Variants in TAF2 observed in about 807,000 individuals in gnomAD.
TAF2 encodes transcription initiation factor TFIID subunit 2.
Under a neutral mutation model 138.5 loss-of-function variants are expected in TAF2, and 61 were observed. That is an observed-to-expected ratio of 0.44 (90% CI 0.36 to 0.54). TAF2 has a LOEUF of 0.54. Among genes scored for constraint, TAF2 ranks in the 20% least tolerant of loss-of-function variants. TAF2 has a pLI of 0.00. For missense variants in TAF2, 1,090 were observed against 1,427.9 expected, an observed-to-expected ratio of 0.76 and a Z score of 3.81; for synonymous variants, 475 against 469.9, an observed-to-expected ratio of 1.01 and a Z score of -0.14.
intron 15 of TAF2, 79 bp from the exon 16 acceptor site, chr8:119,783,712 T>C (rs1822831334): frequency 6.7e-7 from 1 of 1,486,496 alleles, no homozygotes; most frequent in African/African-American, 1.4e-5. Flanking sequence ...ATACAAAGCA[T>C]TTATTTACCA....
At chr8:119,813,884 G>A (rs1825265866) in intron 3 of TAF2, among the ~76,000 whole-genome samples, 1 of 152,136 alleles carries the variant, frequency 6.6e-6, no homozygotes, top group Non-Finnish European at 1.5e-5. Context: ...GGGAGACCAA[G>A]GCAGAAGGAC....
intron 5 of TAF2, among the ~76,000 whole-genome samples, chr8:119,802,888 T>G (rs142199489): frequency 2.6e-5 from 4 of 152,252 alleles, no homozygotes; most frequent in Non-Finnish European, 5.9e-5. Context: ...ATTGCGCCAC[T>G]GCACTCCAGC....
At chr8:119,737,746 T>C (rs1157560972) in intron 25 of TAF2, among the ~76,000 whole-genome samples, 5 of 152,034 alleles carry the variant, frequency 3.3e-5, no homozygotes, top group Admixed American at 2.0e-4. Flanking sequence ...TGACCTCAAA[T>C]GATCCCCCAC....
rs769226911 is a variant in TAF2 at position 119,806,344 on chromosome 8, A to C, written c.357T>G (p.Pro119=). Residue 119 remains proline, a synonymous_variant, in exon 4 of 26, where the codon CCT becomes CCG. Coordinates refer to ENST00000378164, the MANE Select transcript of TAF2 (RefSeq NM_003184.4). ...AYAAAVSAVD[P]DAGNGELCIK... ...TGCAAAGTTCTCCATTTCCTGCATC[A>C]GGGTCCACAGCACTAACTGCAGCTG... is the stretch of plus-strand genomic sequence containing the variant. 6.2e-7 allele frequency: 1 copy of C among 1,614,150 alleles called. No individual in the cohort carries two copies. Among genetic ancestry groups the C allele is most frequent in the Admixed American group, 1.7e-5 (1 of 60,022 alleles).
chr8:119,783,499 G>T lies in TAF2; in HGVS notation c.1994C>A (p.Ser665Tyr), dbSNP rs1179409094. The T allele has an allele frequency of 1.2e-6, 2 of 1,614,124 alleles. No individual in the cohort carries two copies. The highest frequency in any genetic ancestry group is 1.7e-6 in the Non-Finnish European group (2 of 1,180,030). ...AGGGAATTTTTCCAAAGCCAAAATG[G>T]ATTCCTGCTGTGCAACAACATCTCT... is the stretch of plus-strand genomic sequence containing the variant. ...YERDVVAQQE[S>Y]ILALEKFPTP... Residue 665 changes from serine (S) to tyrosine (Y), a missense_variant, in exon 16 of 26, where the codon TCC (serine) becomes TAC (tyrosine). By Grantham distance (144) the Ser-to-Tyr change is moderately radical. Coordinates refer to ENST00000378164, the MANE Select transcript of TAF2 (RefSeq NM_003184.4).
chr8:119,791,470 T>C lies in TAF2; in HGVS notation c.1278-11A>G. The C allele has an allele frequency of 1.2e-6, 2 of 1,610,904 alleles. No homozygotes were observed. Among genetic ancestry groups the C allele is most frequent in the East Asian group, 2.2e-5 (1 of 44,684 alleles). The stretch of plus-strand genomic sequence containing the variant: ...AGATGGGAAGCCGGACTAAAAAAAA[T>C]AAACACATTTACCTAATACAGCAAA... On this transcript the variant is annotated splice_polypyrimidine_tract_variant and intron_variant, in intron 10 of 25. Coordinates refer to ENST00000378164, the MANE Select transcript of TAF2 (RefSeq NM_003184.4).
rs141192962 is a variant in TAF2, at chr8:119,765,992, T to C, written c.2365-3384A>G. Reference sequence around the variant, plus strand: ...TCCAGGGAAGAATAAAGGCCTGAACTAGGATGCTGAAATAGAAAAGACGAT... The same window carrying C: ...TCCAGGGAAGAATAAAGGCCTGAACCAGGATGCTGAAATAGAAAAGACGAT... On this transcript the variant is annotated intron_variant, in intron 18 of 25. Coordinates refer to ENST00000378164, the MANE Select transcript of TAF2 (RefSeq NM_003184.4). 7.2e-5 allele frequency among the ~76,000 whole-genome samples: 11 copies of C among 152,250 alleles called. No homozygotes were observed. The East Asian group carries it at 2.1e-3, about 29-fold the overall frequency.
intron 3 of TAF2, among the ~76,000 whole-genome samples, chr8:119,814,215 A>G (rs535745225): frequency 6.6e-6 from 1 of 152,258 alleles, no homozygotes; most frequent in South Asian, 2.1e-4. Flanking sequence ...GTAAGGCTTC[A>G]TGTTGAAGTT....
Position 119,791,262 on chromosome 8 carries a change from C to A in TAF2, c.1413+62G>T, listed in dbSNP as rs1168318116. 3.8e-6 allele frequency: 6 copies of A among 1,583,442 alleles called. No individual in the cohort carries two copies. In the Admixed American group the frequency reaches 8.4e-5, roughly 22 times the overall value. On this transcript the variant is annotated intron_variant, in intron 11 of 25. Coordinates refer to ENST00000378164, the MANE Select transcript of TAF2 (RefSeq NM_003184.4). Reference sequence around the variant, plus strand: ...CTGACTCCTATTCTACAGAAACATACTCAGATTATACACATACAGATCTTT... The same window carrying A: ...CTGACTCCTATTCTACAGAAACATAATCAGATTATACACATACAGATCTTT...
At chr8:119,762,847 A>C (rs1261018199) in intron 18 of TAF2, 1 of 360,006 alleles carries the variant, frequency 2.8e-6, no homozygotes, top group Non-Finnish European at 5.0e-6. Flanking sequence ...AAATAGGAGG[A>C]AAGCATAAAG....
At chr8:119,759,637 A>T (rs1488693189) in intron 20 of TAF2, among the ~76,000 whole-genome samples, 2 of 152,128 alleles carry the variant, frequency 1.3e-5, no homozygotes, top group Admixed American at 1.3e-4. Context: ...TAAGTATTTG[A>T]CAGGCATAAT....
At chr8:119,770,240 C>A (rs750829556) in intron 18 of TAF2, among the ~76,000 whole-genome samples, 56 of 151,764 alleles carry the variant, frequency 3.7e-4, no homozygotes, top group Admixed American at 7.2e-4. Context: ...GATATCCAGA[C>A]AAGAAATCCA....
intron 18 of TAF2, among the ~76,000 whole-genome samples, chr8:119,774,534 G>A (rs1221162179): frequency 2.7e-5 from 4 of 149,380 alleles, no homozygotes; most frequent in Non-Finnish European, 3.0e-5. Flanking sequence ...TAGTGTTAGC[G>A]TATTTTACGT....
rs1209847648 is a variant in TAF2, at chr8:119,731,608, C to T, written c.*316G>A. On this transcript the variant is annotated 3_prime_UTR_variant, in exon 26 of 26. Transcript: ENST00000378164. ...AAACATAATTGACTTTGGCGGTACA[C>T]ATGGAGACCATGATGCGAACGGGGA... The T allele has an allele frequency of 1.4e-5, 5 of 369,618 alleles. No homozygotes were observed. Among genetic ancestry groups the T allele is most frequent in the Non-Finnish European group, 2.6e-5 (5 of 195,764 alleles). The allele number at this position is 369,618 out of a possible 1,614,324, so 22.9% of individuals were successfully genotyped here. A position where few individuals can be genotyped will look rare whatever the true frequency, so the allele number is the denominator to read the frequency against.
At chr8:119,737,590 C>T (rs1224290904) in intron 25 of TAF2, among the ~76,000 whole-genome samples, 1 of 150,062 alleles carries the variant, frequency 6.7e-6, no homozygotes, top group Non-Finnish European at 1.5e-5. Flanking sequence ...CTTACTACAA[C>T]CTCTGCTTCC....
chr8:119,804,914 T>TAAGATTTTAATTTCC (rs1824516533), intron 4 of TAF2, among the ~76,000 whole-genome samples: 1 of 152,138 alleles, frequency 6.6e-6, no homozygotes, highest in Non-Finnish European at 1.5e-5. Context: ...GTTGCTTTCA[T>TAAGATTTTAATTTCC]AAGATTTTAA....
intron 3 of TAF2, among the ~76,000 whole-genome samples, chr8:119,817,706 C>A (rs148602422): frequency 6.6e-6 from 1 of 152,202 alleles, no homozygotes; most frequent in Non-Finnish European, 1.5e-5. Context: ...CAGACACTGT[C>A]TTTTGTGACT....
intron 19 of TAF2, chr8:119,761,569 G>C (rs1821065154): frequency 6.6e-6 from 1 of 152,178 alleles, no homozygotes; most frequent in Admixed American, 6.5e-5. Flanking sequence ...GGGAGGCCAA[G>C]GCAGGTGGAT....
chr8:119,810,378 T>A (rs1260571179), intron 3 of TAF2, among the ~76,000 whole-genome samples: 1 of 152,208 alleles, frequency 6.6e-6, no homozygotes, highest in African/African-American at 2.4e-5. Context: ...TGTACCAGTT[T>A]GTTGATCCAT....
Sources: gnomAD v4.1 joint callset for allele counts (sites outside exome capture counted in the v4.1 genomes callset) on GRCh38, gnomAD v4.1.1 for gene constraint, MANE v1.5 for transcripts, NCBI Gene and HGNC (gene_info 2026-07-23, HGNC 2026-07-21) for gene names.